Variants in ZFPM2 observed in about 807,000 individuals in gnomAD.
ZFPM2 encodes zinc finger protein, FOG family member 2.
In ZFPM2, 20 loss-of-function variants were observed where a neutral mutation model predicts 98.6. That is an observed-to-expected ratio of 0.20 (90% CI 0.14 to 0.29). ZFPM2 has a LOEUF of 0.29. ZFPM2 is among the 10% of genes least tolerant of loss of function. The pLI is 1.00. For missense variants in ZFPM2, 1,310 were observed against 1,388.6 expected, an observed-to-expected ratio of 0.94 and a Z score of 0.90; for synonymous variants, 518 against 502.7, an observed-to-expected ratio of 1.03 and a Z score of -0.41.
At chr8:105,721,465 A>G (rs889095191) in intron 5 of ZFPM2, among the ~76,000 whole-genome samples, 1 of 151,958 alleles carries the variant, frequency 6.6e-6, no homozygotes, top group African/African-American at 2.4e-5. Context: ...TCTTTTTCTC[A>G]CAGCTTTTCT....
At chr8:105,606,824 G>A (rs1816206420) in intron 4 of ZFPM2, among the ~76,000 whole-genome samples, 2 of 152,084 alleles carry the variant, frequency 1.3e-5, no homozygotes, top group South Asian at 4.1e-4. Flanking sequence ...CAACATAGCT[G>A]ATCACATATA....
chr8:105,761,819 A>G (rs1812739406), intron 5 of ZFPM2, among the ~76,000 whole-genome samples: 1 of 152,030 alleles, frequency 6.6e-6, no homozygotes, highest in Admixed American at 6.6e-5. Context: ...CGAGTTTGAT[A>G]AAACAATAGT....
At chr8:105,426,974 TC>T (rs1811926566) in intron 2 of ZFPM2, among the ~76,000 whole-genome samples, 1 of 151,926 alleles carries the variant, frequency 6.6e-6, no homozygotes, top group African/African-American at 2.4e-5. Flanking sequence ...AAAAATAGTG[TC>T]CTATAAGTGC....
rs1352447346 is a variant in ZFPM2, at chr8:105,697,094, C to T, written c.532+62737C>T. Among the ~76,000 whole-genome samples the T allele has an allele frequency of 9.2e-5, 14 of 152,050 alleles. 1 individual carries two copies. The highest frequency in any genetic ancestry group is 3.9e-4 in the Admixed American group (6 of 15,270). On this transcript the variant is annotated intron_variant, in intron 5 of 7. Coordinates refer to ENST00000407775, the MANE Select transcript of ZFPM2 (RefSeq NM_012082.4). ...TGATTATCTGCTAATCTGACAAATG[C>T]GGAAAATCCGAGTCTATGAGATAGA...
At chr8:105,680,298 A>C (rs1187640163) in intron 5 of ZFPM2, among the ~76,000 whole-genome samples, 1 of 152,162 alleles carries the variant, frequency 6.6e-6, no homozygotes, top group Non-Finnish European at 1.5e-5. Flanking sequence ...AATGCCTACT[A>C]CTGGCCTTGC....
intron 1 of ZFPM2, among the ~76,000 whole-genome samples, chr8:105,339,168 T>G (rs1166569151): frequency 6.6e-6 from 1 of 151,892 alleles, no homozygotes; most frequent in Non-Finnish European, 1.5e-5. Context: ...CTATTAACAT[T>G]CTACACTTAT....
intron 6 of ZFPM2, chr8:105,798,249 G>C (rs1330435590): frequency 6.5e-6 from 1 of 152,720 alleles, no homozygotes; most frequent in Non-Finnish European, 1.5e-5. Flanking sequence ...TAAGGAGTTT[G>C]AGACCAGCCT....
intron 4 of ZFPM2, among the ~76,000 whole-genome samples, chr8:105,618,448 G>T (rs1816465217): frequency 6.6e-6 from 1 of 151,872 alleles, no homozygotes; most frequent in South Asian, 2.1e-4. Flanking sequence ...AAGTAATGTG[G>T]CACCTAGAAT....
chr8:105,327,986 G>GT lies in ZFPM2; in HGVS notation c.40+9011dup, dbSNP rs1477066263. On this transcript the variant is annotated intron_variant, in intron 1 of 7. Transcript: ENST00000407775. Reference sequence around the variant, plus strand: ...AGTTCAAAGGCATTTGTGTGTGTGTGTTTTTTCTTTTTAATAAAACCCTGT... The same window carrying GT: ...AGTTCAAAGGCATTTGTGTGTGTGTGTTTTTTTCTTTTTAATAAAACCCTGT... Among the ~76,000 whole-genome samples, 318 of 151,728 alleles carry GT rather than the reference G, an allele frequency of 2.1e-3. 2 individuals carry two copies. The highest frequency in any genetic ancestry group is 7.4e-3 in the African/African-American group (306 of 41,416).
At chr8:105,701,878 A>G (rs1811149121) in intron 5 of ZFPM2, among the ~76,000 whole-genome samples, 1 of 152,224 alleles carries the variant, frequency 6.6e-6, no homozygotes, top group Non-Finnish European at 1.5e-5. Flanking sequence ...ACATAGCAGC[A>G]GGTTTGATGT....
chr8:105,526,986 C>A (rs1195434879), intron 3 of ZFPM2, among the ~76,000 whole-genome samples: 2 of 152,060 alleles, frequency 1.3e-5, no homozygotes, highest in Non-Finnish European at 2.9e-5. Context: ...TCTTCACCTT[C>A]CCAGTAGTAA....
chr8:105,698,058 TA>T (rs1811060198), intron 5 of ZFPM2, among the ~76,000 whole-genome samples: 1 of 152,236 alleles, frequency 6.6e-6, no homozygotes, highest in Non-Finnish European at 1.5e-5. Flanking sequence ...TTTTCCCTTG[TA>T]TTTCTCTCAT....
At chr8:105,474,399 C>G (rs1480066389) in intron 3 of ZFPM2, among the ~76,000 whole-genome samples, 1 of 152,168 alleles carries the variant, frequency 6.6e-6, no homozygotes, top group Non-Finnish European at 1.5e-5. Flanking sequence ...AAGAGTGAAT[C>G]CACTGTGATT....
chr8:105,671,964 CTTATAT>C (rs2130905840), intron 5 of ZFPM2, among the ~76,000 whole-genome samples: 1 of 152,210 alleles, frequency 6.6e-6, no homozygotes, highest in Non-Finnish European at 1.5e-5. Flanking sequence ...TGCATTACAT[CTTATAT>C]TTATGTTAGT....
chr8:105,683,256 C>A (rs1281178116), intron 5 of ZFPM2, among the ~76,000 whole-genome samples: 3 of 152,102 alleles, frequency 2.0e-5, no homozygotes. Flanking sequence ...CTGTGGAATT[C>A]TCTACCTCTG....
At chr8:105,480,964 A>G (rs891939937) in intron 3 of ZFPM2, among the ~76,000 whole-genome samples, 1 of 151,912 alleles carries the variant, frequency 6.6e-6, no homozygotes, top group Non-Finnish European at 1.5e-5. Context: ...GTTAGCCAAG[A>G]TGGTCTCGAA....
At chr8:105,699,904 A>G (rs946317805) in intron 5 of ZFPM2, among the ~76,000 whole-genome samples, 10 of 152,196 alleles carry the variant, frequency 6.6e-5, no homozygotes, top group African/African-American at 2.2e-4. Flanking sequence ...TTAAAGAGCA[A>G]TATTTTAGGT....
intron 3 of ZFPM2, among the ~76,000 whole-genome samples, chr8:105,477,895 C>G (rs1270596077): frequency 6.6e-6 from 1 of 152,138 alleles, no homozygotes; most frequent in African/African-American, 2.4e-5. Flanking sequence ...TTTCCATTAT[C>G]CTACTACTCT....
At chr8:105,539,890 C>T (rs1814540190) in intron 3 of ZFPM2, among the ~76,000 whole-genome samples, 1 of 152,022 alleles carries the variant, frequency 6.6e-6, no homozygotes. Flanking sequence ...TTCATGTTTC[C>T]TTCATCTGTC....
Sources: allele counts gnomAD v4.1 joint callset (sites outside exome capture counted in the v4.1 genomes callset), GRCh38; gene constraint gnomAD v4.1.1; transcripts MANE v1.5; gene names NCBI Gene and HGNC (gene_info 2026-07-23, HGNC 2026-07-21).